Variants in PCNX2 observed in about 807,000 individuals in gnomAD.
The protein encoded by PCNX2 is pecanex 2.
Under a neutral mutation model 223.8 loss-of-function variants are expected in PCNX2, and 168 were observed. The observed-to-expected ratio is 0.75, with a 90% CI of 0.66 to 0.85. The LOEUF is 0.85. Ranked by LOEUF, PCNX2 falls within the 40% of genes least tolerant of loss-of-function variation. The pLI is 0.00. For synonymous variants in PCNX2, 1,006 were observed against 1,052.6 expected (o/e 0.96, Z 0.86); for missense variants, 2,507 against 2,675.5 (o/e 0.94, Z 1.39).
the PCNX2 span, among the ~76,000 whole-genome samples, chr1:233,309,409 C>T: frequency 4.6e-5 from 7 of 151,632 alleles, no homozygotes; most frequent in African/African-American, 9.7e-5. Flanking sequence ...GGCGTGGTGG[C>T]GGCCTCCTGT....
intron 23 of PCNX2, among the ~76,000 whole-genome samples, chr1:233,075,827 G>A (rs746035910): frequency 2.0e-5 from 3 of 151,738 alleles, no homozygotes; most frequent in Admixed American, 6.6e-5. Flanking sequence ...TGATTCTAAC[G>A]TGCTTACACC....
intron 25 of PCNX2, among the ~76,000 whole-genome samples, chr1:233,038,906 A>T (rs1174682610): frequency 1.3e-5 from 2 of 152,238 alleles, no homozygotes; most frequent in African/African-American, 2.4e-5. Flanking sequence ...ACAGAAACAT[A>T]AATCCTATTT....
In PCNX2 at chr1:232,988,195, G is replaced by A. The variant is rs181540224; in HGVS notation, c.5792-1655C>T. Reference sequence around the variant, plus strand: ...CGGACGTGTGTTTGTGATTTCTATCGTAAAGCTGATCACTGTCCAAAAATA... The same window carrying A: ...CGGACGTGTGTTTGTGATTTCTATCATAAAGCTGATCACTGTCCAAAAATA... On this transcript the variant is annotated intron_variant, in intron 32 of 33. Transcript: ENST00000258229. 7.9e-5 allele frequency among the ~76,000 whole-genome samples: 12 copies of A among 152,324 alleles called. No homozygotes were observed. The East Asian group carries it at 1.7e-3, about 22-fold the overall frequency.
intron 25 of PCNX2, among the ~76,000 whole-genome samples, chr1:233,033,585 T>C (rs1409995750): frequency 1.3e-5 from 2 of 152,240 alleles, no homozygotes; most frequent in Non-Finnish European, 1.5e-5. Flanking sequence ...TTGTGCAATA[T>C]GGTGAACAAC....
chr1:233,106,212 C>A (rs771978712), intron 21 of PCNX2, among the ~76,000 whole-genome samples: 17 of 152,280 alleles, frequency 1.1e-4, no homozygotes, highest in Non-Finnish European at 2.4e-4. Context: ...ATCTTTAATT[C>A]CATGTTAGCC....
At chr1:233,309,108 A>C in the PCNX2 span, among the ~76,000 whole-genome samples, 1 of 152,354 alleles carries the variant, frequency 6.6e-6, no homozygotes, top group East Asian at 1.9e-4. Flanking sequence ...GAAGCTCAAA[A>C]TCTTGTTATT....
rs570772229 is a variant in PCNX2, at chr1:233,019,826, T to C, written c.4606-2672A>G. Reference sequence around the variant, plus strand: ...TTTGAATCTGGAGGGTTTTCTCTTGTCTCCTTGCCGGCTGGATCATTTAAA... The same window carrying C: ...TTTGAATCTGGAGGGTTTTCTCTTGCCTCCTTGCCGGCTGGATCATTTAAA... On this transcript the variant is annotated intron_variant, in intron 26 of 33. Transcript: ENST00000258229. 2.6e-5 allele frequency among the ~76,000 whole-genome samples: 4 copies of C among 152,134 alleles called. No homozygotes were observed. The South Asian group carries it at 8.3e-4, about 32-fold the overall frequency.
chr1:233,302,426 A>G, the PCNX2 span, among the ~76,000 whole-genome samples: 1 of 151,986 alleles, frequency 6.6e-6, no homozygotes, highest in Non-Finnish European at 1.5e-5. Context: ...GTGCCATCTC[A>G]TTCTTTCATG....
chr1:233,313,592 G>A, the PCNX2 span, among the ~76,000 whole-genome samples: 11 of 151,782 alleles, frequency 7.2e-5, no homozygotes, highest in African/African-American at 2.7e-4. Context: ...AAAGTGGGGA[G>A]GGAATGAAGA....
intron 21 of PCNX2, among the ~76,000 whole-genome samples, chr1:233,122,712 G>A (rs1390354419): frequency 5.3e-5 from 8 of 151,910 alleles, no homozygotes; most frequent in African/African-American, 1.9e-4. Flanking sequence ...TAGTAGAGAC[G>A]GGGTTCCACC....
chr1:233,006,267 C>A (rs774910426), intron 28 of PCNX2, among the ~76,000 whole-genome samples: 2 of 152,122 alleles, frequency 1.3e-5, no homozygotes, highest in African/African-American at 4.8e-5. Flanking sequence ...GAGTGTACTG[C>A]GTAGGCTGTA....
rs529910129 is a variant in PCNX2, at chr1:233,023,656, C to T, written c.4605+1490G>A. ...GTCTAGAAAGAGAAGATAGGCATAACTCCCTGGTATGCTTCCCAAATCTTC... is the reference window on the plus strand; with the variant it reads ...GTCTAGAAAGAGAAGATAGGCATAATTCCCTGGTATGCTTCCCAAATCTTC... On this transcript the variant is annotated intron_variant, in intron 26 of 33. Transcript: ENST00000258229. Among the ~76,000 whole-genome samples the T allele has an allele frequency of 3.3e-5, 5 of 152,310 alleles. No homozygotes were observed. In the South Asian group the frequency reaches 1.0e-3, roughly 32 times the overall value.
intron 15 of PCNX2, among the ~76,000 whole-genome samples, chr1:233,194,152 AGAAAAAAGAAACGTTAC>A (rs1680582083): frequency 1.3e-5 from 2 of 152,146 alleles, no homozygotes; most frequent in Non-Finnish European, 2.9e-5. Context: ...AGGCAGTCAG[AGAAAAAAGAAACGTTAC>A]TAACAGAGAA....
At chr1:233,268,597 C>T (rs1268531901) in intron 1 of PCNX2, among the ~76,000 whole-genome samples, 1 of 152,158 alleles carries the variant, frequency 6.6e-6, no homozygotes, top group African/African-American at 2.4e-5. Context: ...CGTTGATGAG[C>T]TCACAGAACT....
chr1:233,159,782 C>T (rs1259640229), intron 19 of PCNX2, among the ~76,000 whole-genome samples: 1 of 152,128 alleles, frequency 6.6e-6, no homozygotes, highest in East Asian at 1.9e-4. Context: ...AAGTCAACCA[C>T]GTGTAGATAC....
intron 25 of PCNX2, among the ~76,000 whole-genome samples, chr1:233,053,099 T>C (rs1262355865): frequency 6.6e-6 from 1 of 151,804 alleles, no homozygotes; most frequent in East Asian, 1.9e-4. Flanking sequence ...GTAGAGAGGG[T>C]CAACCATTCC....
At position 233,198,992 on chromosome 1, in the gene PCNX2, G is replaced by C; in HGVS notation, c.3013C>G (p.Arg1005Gly). 6.2e-7 allele frequency: 1 copy of C among 1,605,316 alleles called. No individual in the cohort carries two copies. Among genetic ancestry groups the C allele is most frequent in the Non-Finnish European group, 8.5e-7 (1 of 1,176,324 alleles). ...GITSAVYSVA[R>G]SVLAAALLHA... ...AGCAGGGCGGCAGCCAAGACGCTCC[G>C]GGCCACACTGTAAACAGCCGAGGTT... Residue 1005 changes from arginine (R) to glycine (G), a missense_variant, in exon 15 of 34, where the codon CGG becomes GGG. By Grantham distance (125) the Arg-to-Gly change is moderately radical. Around this residue, in one of 3 missense-constraint regions of PCNX2, gnomAD observed 1,372 missense variants for 1,509.4 expected, o/e 0.91. Coordinates refer to ENST00000258229, the MANE Select transcript of PCNX2 (RefSeq NM_014801.4).
At chr1:233,317,285 G>C in the PCNX2 span, among the ~76,000 whole-genome samples, 2 of 152,058 alleles carry the variant, frequency 1.3e-5, no homozygotes, top group East Asian at 3.9e-4. Flanking sequence ...GTGATGATGG[G>C]TGCCTGTAAT....
chr1:233,144,763 C>T (rs1037998997), intron 19 of PCNX2, among the ~76,000 whole-genome samples: 2 of 151,830 alleles, frequency 1.3e-5, no homozygotes, highest in Admixed American at 6.6e-5. Context: ...TTTGGGAGTT[C>T]TTTATACATT....
Sources: allele counts gnomAD v4.1 joint callset (sites outside exome capture counted in the v4.1 genomes callset), GRCh38; gene constraint gnomAD v4.1.1; regional missense constraint gnomAD v4.1.1; transcripts MANE v1.5; gene names NCBI Gene and HGNC (gene_info 2026-07-23, HGNC 2026-07-21).